Variants in CHIC1 observed in about 807,000 individuals in gnomAD.
The protein encoded by CHIC1 is cysteine rich hydrophobic domain 1, also known as cysteine-rich hydrophobic domain-containing protein 1.
CHIC1 carries 7 observed loss-of-function variants against 18.5 expected under a neutral mutation model. The observed-to-expected ratio is 0.38, with a 90% CI of 0.22 to 0.71. CHIC1 has a LOEUF of 0.71. Ranked by LOEUF, CHIC1 falls within the 30% of genes least tolerant of loss-of-function variation. The probability of loss-of-function intolerance (pLI) is 0.49; values close to 1 mark genes in which losing one functional copy is unlikely to be tolerated. For missense variants in CHIC1, 159 were observed against 176.9 expected (o/e 0.90, Z 0.57); for synonymous variants, 77 against 73.5 (o/e 1.05, Z -0.25).
chrX:73,633,933 G>A (rs2057820041), intron 3 of CHIC1, among the ~76,000 whole-genome samples: 2 of 110,347 alleles, frequency 1.8e-5, no homozygotes, highest in South Asian at 7.8e-4. Context: ...TTTTGTTCAT[G>A]TATTGTTTTT....
chrX:73,572,647 T>C (rs1313107816), intron 1 of CHIC1, among the ~76,000 whole-genome samples: 2 of 111,514 alleles, frequency 1.8e-5, no homozygotes, highest in East Asian at 5.6e-4. Flanking sequence ...TTTTTAATAA[T>C]TGCCATTCTG....
intron 3 of CHIC1, among the ~76,000 whole-genome samples, chrX:73,594,913 T>C (rs1481599601): frequency 1.8e-5 from 2 of 112,068 alleles, no homozygotes; most frequent in African/African-American, 3.2e-5. Flanking sequence ...TGTTAATCCA[T>C]ATCATATTTC....
intron 3 of CHIC1, among the ~76,000 whole-genome samples, chrX:73,675,218 G>T (rs1400528003): frequency 9.0e-6 from 1 of 111,720 alleles, no homozygotes; most frequent in African/African-American, 3.3e-5. Flanking sequence ...TTGATTTGGG[G>T]TGGAGAATTC....
intron 3 of CHIC1, among the ~76,000 whole-genome samples, chrX:73,678,538 G>A (rs1318980697): frequency 8.9e-6 from 1 of 112,126 alleles, no homozygotes; most frequent in Non-Finnish European, 1.9e-5. Context: ...AGTGTCTGCA[G>A]TGGGCCAGTG....
At chrX:73,634,523 AG>A (rs760156361) in intron 3 of CHIC1, among the ~76,000 whole-genome samples, 307 of 112,148 alleles carry the variant, frequency 2.7e-3, no homozygotes, top group African/African-American at 9.3e-3. Flanking sequence ...ACAAGGTTGT[AG>A]GGGTTCATTA....
chrX:73,663,805 A>G (rs1465573185), intron 3 of CHIC1, among the ~76,000 whole-genome samples: 1 of 111,215 alleles, frequency 9.0e-6, no homozygotes, highest in Non-Finnish European at 1.9e-5. Flanking sequence ...CCAGTACAGT[A>G]AAGTATTAAC....
chrX:73,661,734 A>G (rs931245893), intron 3 of CHIC1, among the ~76,000 whole-genome samples: 1 of 111,673 alleles, frequency 9.0e-6, no homozygotes, highest in Non-Finnish European at 1.9e-5. Context: ...AGTCACTAAC[A>G]ATATTGATGG....
intron 3 of CHIC1, among the ~76,000 whole-genome samples, chrX:73,610,925 G>T (rs1484180798): frequency 1.9e-5 from 2 of 105,555 alleles, no homozygotes; most frequent in Non-Finnish European, 3.8e-5. Flanking sequence ...TAATGTCTCT[G>T]CTTTCATTTC....
At chrX:73,604,609 T>C (rs1296508436) in intron 3 of CHIC1, among the ~76,000 whole-genome samples, 2 of 108,876 alleles carry the variant, frequency 1.8e-5, no homozygotes, top group Admixed American at 9.7e-5. Context: ...GGTATGAATT[T>C]TAGATTTTTC....
At chrX:73,637,652 A>G (rs762963944) in intron 3 of CHIC1, among the ~76,000 whole-genome samples, 100 of 110,106 alleles carry the variant, frequency 9.1e-4, no homozygotes, top group Non-Finnish European at 1.4e-3. Context: ...AACTCCCTCT[A>G]TTGAATTTCT....
In CHIC1 at chrX:73,642,918, C is replaced by G. The variant is rs769194064; in HGVS notation, c.508-36408C>G. 6.9e-3 allele frequency among the ~76,000 whole-genome samples: 761 copies of G among 110,122 alleles called. 5 individuals carry two copies. Among genetic ancestry groups the G allele is most frequent in the African/African-American group, 0.024 (726 of 30,430 alleles). ...TACCAGTACCATGCTGTTTTGGTTA[C>G]TGTAGCCTTGTAGTATAGTTTGAAG... On this transcript the variant is annotated intron_variant, in intron 3 of 5. Coordinates refer to ENST00000373502, the MANE Select transcript of CHIC1 (RefSeq NM_001039840.4).
At chrX:73,651,430 A>G (rs943143281) in intron 3 of CHIC1, among the ~76,000 whole-genome samples, 4 of 111,341 alleles carry the variant, frequency 3.6e-5, no homozygotes, top group Non-Finnish European at 7.5e-5. Context: ...GAAGAGAGGA[A>G]GTCAAACTGT....
intron 3 of CHIC1, among the ~76,000 whole-genome samples, chrX:73,651,395 A>G (rs1345983693): frequency 9.0e-6 from 1 of 110,857 alleles, no homozygotes; most frequent in Non-Finnish European, 1.9e-5. Flanking sequence ...CAGGCAAGAG[A>G]GAGAAATAAA....
At chrX:73,673,066 G>A (rs2058040616) in intron 3 of CHIC1, among the ~76,000 whole-genome samples, 1 of 111,300 alleles carries the variant, frequency 9.0e-6, no homozygotes, top group African/African-American at 3.3e-5. Flanking sequence ...TTGGAGATGT[G>A]CGGCATTATT....
intron 3 of CHIC1, among the ~76,000 whole-genome samples, chrX:73,644,618 G>T (rs1373589234): frequency 8.9e-6 from 1 of 112,333 alleles, no homozygotes; most frequent in Non-Finnish European, 1.9e-5. Context: ...CTGCCGCCTT[G>T]CATTTTGATC....
At chrX:73,600,297 CCT>C (rs1200324170) in intron 3 of CHIC1, among the ~76,000 whole-genome samples, 1 of 96,363 alleles carries the variant, frequency 1.0e-5, no homozygotes, top group Non-Finnish European at 2.0e-5. Context: ...AATTTGACTT[CCT>C]CTTTTCCTAA....
At chrX:73,665,165 C>T (rs967071505) in intron 3 of CHIC1, among the ~76,000 whole-genome samples, 6 of 110,865 alleles carry the variant, frequency 5.4e-5, no homozygotes, top group Non-Finnish European at 7.5e-5. Context: ...TATTGGAGGA[C>T]GGGGCTCAGG....
At position 73,563,235 on chromosome X, in the gene CHIC1, C is replaced by G; in HGVS notation, c.-50C>G. On this transcript the variant is annotated 5_prime_UTR_variant, in exon 1 of 6. Transcript: ENST00000373502. ...TCCCCCTCCTCTTGCAGCACCTCGG[C>G]AGGTTCAAACTCTTCTCCGGGAGCG... 9.4e-7 allele frequency: 1 copy of G among 1,064,671 alleles called. No individual in the cohort carries two copies. The highest frequency in any genetic ancestry group is 1.9e-5 in the African/African-American group (1 of 52,080). The allele number at this position is 1,064,671 out of a possible 1,213,427, so 87.7% of individuals were successfully genotyped here.
At chrX:73,671,161 C>G (rs1461167620) in intron 3 of CHIC1, among the ~76,000 whole-genome samples, 2 of 111,879 alleles carry the variant, frequency 1.8e-5, no homozygotes, top group African/African-American at 3.2e-5. Flanking sequence ...GCTGAGAAAT[C>G]TCCTGTTAGT....
Sources: gnomAD v4.1 joint callset for allele counts (sites outside exome capture counted in the v4.1 genomes callset) on GRCh38, gnomAD v4.1.1 for gene constraint, MANE v1.5 for transcripts, NCBI Gene and HGNC (gene_info 2026-07-23, HGNC 2026-07-21) for gene names.